Variants in GRID2 observed in about 807,000 individuals in gnomAD.
GRID2 encodes the protein glutamate receptor ionotropic, delta-2.
Under a neutral mutation model 114.8 loss-of-function variants are expected in GRID2, and 33 were observed. That is an observed-to-expected ratio of 0.29 (90% CI 0.22 to 0.38). GRID2 has a LOEUF of 0.38. Ranked by LOEUF, GRID2 falls within the 10% of genes least tolerant of loss-of-function variation. The probability of loss-of-function intolerance (pLI) is 1.00; values close to 1 mark genes in which losing one functional copy is unlikely to be tolerated. For synonymous variants in GRID2, 505 were observed against 449.9 expected, an observed-to-expected ratio of 1.12 and a Z score of -1.55; for missense variants, 1,184 against 1,257.7, an observed-to-expected ratio of 0.94 and a Z score of 0.89.
chr4:93,488,799 G>A (rs1030719090), intron 11 of GRID2, among the ~76,000 whole-genome samples: 16 of 151,924 alleles, frequency 1.1e-4, no homozygotes, highest in African/African-American at 3.6e-4. Flanking sequence ...CCTTCTTGCT[G>A]TGTCCTCACA....
chr4:93,420,244 G>A (rs72884566), intron 9 of GRID2, among the ~76,000 whole-genome samples: 12,879 of 152,022 alleles, frequency 0.085, 714 homozygotes, highest in African/African-American at 0.16. Context: ...CACAATACAA[G>A]CATTAAAAGC....
At chr4:92,948,046 T>G (rs1751767130) in intron 2 of GRID2, among the ~76,000 whole-genome samples, 2 of 151,890 alleles carry the variant, frequency 1.3e-5, no homozygotes, top group South Asian at 4.1e-4. Flanking sequence ...AAAAATTTGT[T>G]TTCTAAGAGG....
At chr4:92,634,466 T>A (rs1730964912) in intron 2 of GRID2, among the ~76,000 whole-genome samples, 1 of 152,144 alleles carries the variant, frequency 6.6e-6, no homozygotes, top group Admixed American at 6.6e-5. Context: ...ACAAAATCTG[T>A]GTTTTATTCA....
chr4:92,596,708 C>T (rs1287394504), intron 2 of GRID2, among the ~76,000 whole-genome samples: 1 of 150,288 alleles, frequency 6.7e-6, no homozygotes, highest in Non-Finnish European at 1.5e-5. Flanking sequence ...AAAAAAAAAA[C>T]AGCTCACACA....
At chr4:92,452,721 C>T (rs1002005985) in intron 1 of GRID2, among the ~76,000 whole-genome samples, 1 of 151,588 alleles carries the variant, frequency 6.6e-6, no homozygotes, top group East Asian at 1.9e-4. Context: ...TTTGTGAGAA[C>T]TTGTATTTGG....
intron 8 of GRID2, among the ~76,000 whole-genome samples, chr4:93,304,999 C>T (rs1161988656): frequency 6.6e-6 from 1 of 152,090 alleles, no homozygotes; most frequent in African/African-American, 2.4e-5. Context: ...GTAATTTTGA[C>T]AATTTTGATT....
intron 1 of GRID2, among the ~76,000 whole-genome samples, chr4:92,456,759 C>T (rs1323444298): frequency 6.6e-6 from 1 of 152,040 alleles, no homozygotes; most frequent in Non-Finnish European, 1.5e-5. Flanking sequence ...TAGTAGGGAA[C>T]ACAGGTTCCA....
At chr4:92,669,105 T>G (rs1732927292) in intron 2 of GRID2, among the ~76,000 whole-genome samples, 1 of 151,920 alleles carries the variant, frequency 6.6e-6, no homozygotes, top group Admixed American at 6.6e-5. Context: ...TTTCTGCCTT[T>G]GAAAAAGTCA....
chr4:92,605,809 A>G (rs752448763), intron 2 of GRID2, among the ~76,000 whole-genome samples: 6 of 152,014 alleles, frequency 3.9e-5, no homozygotes, highest in Non-Finnish European at 8.8e-5. Flanking sequence ...CAACCATATT[A>G]CTTGTGAGTT....
rs1435814179 is a variant in GRID2 at position 92,644,970 on chromosome 4, CTTTTA to C, written c.244+54687_244+54691del. Among the ~76,000 whole-genome samples the C allele has an allele frequency of 5.9e-5, 9 of 151,336 alleles. No homozygotes were observed. In the South Asian group the frequency reaches 6.2e-4, roughly 10 times the overall value. ...TCCAAACATTTTGATGGAAACTTCACTTTTATTAAGGAATATTTTTAACATATATT... is the reference window on the plus strand; with the variant it reads ...TCCAAACATTTTGATGGAAACTTCACTTAAGGAATATTTTTAACATATATT... On this transcript the variant is annotated intron_variant, in intron 2 of 15. Transcript: ENST00000282020.
At chr4:93,351,209 C>T (rs936540252) in intron 8 of GRID2, among the ~76,000 whole-genome samples, 3 of 152,050 alleles carry the variant, frequency 2.0e-5, no homozygotes, top group African/African-American at 7.2e-5. Context: ...GTCATGCATT[C>T]ATGTTAATAC....
At chr4:92,655,094 C>T (rs964672599) in intron 2 of GRID2, among the ~76,000 whole-genome samples, 17 of 151,930 alleles carry the variant, frequency 1.1e-4, no homozygotes, top group Non-Finnish European at 2.1e-4. Flanking sequence ...GGTCCAGTCT[C>T]ATTCTTCTGC....
intron 2 of GRID2, among the ~76,000 whole-genome samples, chr4:92,629,155 G>T (rs1730667442): frequency 6.6e-6 from 1 of 151,734 alleles, no homozygotes; most frequent in Non-Finnish European, 1.5e-5. Flanking sequence ...TTAAACAGTA[G>T]AAATAATAAT....
intron 2 of GRID2, among the ~76,000 whole-genome samples, chr4:92,998,269 C>T (rs993671744): frequency 6.6e-6 from 1 of 151,826 alleles, no homozygotes; most frequent in Admixed American, 6.6e-5. Flanking sequence ...CCTTGGTTAC[C>T]TTTTATTGGC....
intron 14 of GRID2, among the ~76,000 whole-genome samples, chr4:93,686,437 C>A (rs1345058990): frequency 2.0e-5 from 3 of 151,782 alleles, no homozygotes; most frequent in East Asian, 3.9e-4. Flanking sequence ...TGTTCATCAG[C>A]TACTATGTGC....
intron 11 of GRID2, among the ~76,000 whole-genome samples, chr4:93,488,173 T>C (rs1466403571): frequency 2.0e-5 from 3 of 151,970 alleles, no homozygotes; most frequent in Non-Finnish European, 4.4e-5. Context: ...TATCATCTTG[T>C]TCACATTTTA....
At chr4:93,142,669 T>A (rs1735878961) in intron 4 of GRID2, among the ~76,000 whole-genome samples, 1 of 152,194 alleles carries the variant, frequency 6.6e-6, no homozygotes, top group South Asian at 2.1e-4. Context: ...TCATTTCTGG[T>A]CGATATGTAC....
At chr4:92,579,250 T>C (rs1728059357) in intron 1 of GRID2, among the ~76,000 whole-genome samples, 2 of 152,142 alleles carry the variant, frequency 1.3e-5, no homozygotes, top group South Asian at 4.1e-4. Context: ...TTTTGACTTT[T>C]AGATAATTTT....
intron 8 of GRID2, among the ~76,000 whole-genome samples, chr4:93,349,891 A>T (rs1219403543): frequency 6.6e-6 from 1 of 152,100 alleles, no homozygotes; most frequent in African/African-American, 2.4e-5. Context: ...AAAATAAATA[A>T]ATGTAAGAAA....
Sources: allele counts gnomAD v4.1 joint callset (sites outside exome capture counted in the v4.1 genomes callset), GRCh38; gene constraint gnomAD v4.1.1; transcripts MANE v1.5; gene names NCBI Gene and HGNC (gene_info 2026-07-23, HGNC 2026-07-21).